Variants in WDTC1 observed in about 807,000 individuals in gnomAD.
WDTC1 encodes the protein WD and tetratricopeptide repeats 1, also known as WD and tetratricopeptide repeats protein 1.
Under a neutral mutation model 76.0 loss-of-function variants are expected in WDTC1, and 12 were observed. That is an observed-to-expected ratio of 0.16 (90% CI 0.10 to 0.26). The LOEUF is 0.26. Among genes scored for constraint, WDTC1 ranks in the 10% least tolerant of loss-of-function variants. WDTC1 has a pLI of 1.00. For missense variants in WDTC1, 511 were observed against 908.8 expected (o/e 0.56, Z 5.63); for synonymous variants, 326 against 350.8 (o/e 0.93, Z 0.79).
intron 8 of WDTC1, 130 bp downstream of exon 8, chr1:27,294,246 A>G: frequency 2.1e-6 from 2 of 972,000 alleles, no homozygotes; most frequent in Non-Finnish European, 3.0e-6. Flanking sequence ...CTGAGTTTTA[A>G]TCCCAACTCT....
intron 3 of WDTC1, among the ~76,000 whole-genome samples, chr1:27,272,110 G>T (rs918441373): frequency 6.6e-6 from 1 of 151,686 alleles, no homozygotes; most frequent in Non-Finnish European, 1.5e-5. Context: ...GCCGTGCGAG[G>T]TGGTGCACGC....
At chr1:27,278,574 C>T (rs1260301958) in intron 3 of WDTC1, among the ~76,000 whole-genome samples, 1 of 152,180 alleles carries the variant, frequency 6.6e-6, no homozygotes, top group Non-Finnish European at 1.5e-5. Context: ...GGCCTCTGCT[C>T]ACCTCCCTGA....
In WDTC1 at chr1:27,295,759, TTTTG is replaced by T. The variant is rs200192553; in HGVS notation, c.874-547_874-544del. ...ATTAACCACTGCACCTGACCTTCTA[TTTTG>T]TTTGTTTGTTTGTTTGTTTTGAGGC... On this transcript the variant is annotated intron_variant, in intron 9 of 15. Coordinates refer to ENST00000319394, the MANE Select transcript of WDTC1 (RefSeq NM_001276252.2). Among the ~76,000 whole-genome samples the T allele has an allele frequency of 6.2e-3, 947 of 151,988 alleles. 10 individuals carry two copies. The highest frequency in any genetic ancestry group is 0.022 in the African/African-American group (898 of 41,454).
chr1:27,240,930 G>C (rs917540488), intron 1 of WDTC1, among the ~76,000 whole-genome samples: 10 of 144,602 alleles, frequency 6.9e-5, no homozygotes, highest in Admixed American at 1.5e-4. Context: ...AGTTGAGATC[G>C]CAACACTGTA....
chr1:27,246,568 C>CTT (rs200841889), intron 1 of WDTC1, among the ~76,000 whole-genome samples: 2 of 144,268 alleles, frequency 1.4e-5, no homozygotes, highest in Non-Finnish European at 1.5e-5. Flanking sequence ...GTTTTCTTTC[C>CTT]TTTTTTTTTT....
rs1212423308 is a variant in WDTC1 at position 27,246,718 on chromosome 1, C to T, written c.-100+11767C>T. ...CTGGGATTACAGGTGCCCGCCACCA[C>T]GCCCGGCTAATTTTTGTATTTTTAG... On this transcript the variant is annotated intron_variant, in intron 1 of 15. Coordinates refer to ENST00000319394, the MANE Select transcript of WDTC1 (RefSeq NM_001276252.2). Among the ~76,000 whole-genome samples, 7 of 151,966 alleles carry T rather than the reference C, an allele frequency of 4.6e-5. No homozygotes were observed. The South Asian group carries it at 1.0e-3, about 23-fold the overall frequency.
At chr1:27,248,941 G>C (rs1178771676) in intron 1 of WDTC1, among the ~76,000 whole-genome samples, 1 of 152,124 alleles carries the variant, frequency 6.6e-6, no homozygotes, top group Admixed American at 6.6e-5. Flanking sequence ...ATAGACGTGA[G>C]CCACTGCACC....
chr1:27,292,161 C>T (rs1355609666), intron 6 of WDTC1, 54 bp from the exon 7 acceptor site: 1 of 1,424,858 alleles, frequency 7.0e-7, no homozygotes. Flanking sequence ...TTTTCCCCTG[C>T]CTTCCTCTCA....
intron 7 of WDTC1, 29 bp downstream of exon 7, chr1:27,292,426 G>A: frequency 6.7e-7 from 1 of 1,503,612 alleles, no homozygotes. Context: ...CCTGTCTCCT[G>A]TGAGTAAGTC....
chr1:27,256,902 C>T (rs2012299910), intron 1 of WDTC1, among the ~76,000 whole-genome samples: 1 of 152,148 alleles, frequency 6.6e-6, no homozygotes, highest in Non-Finnish European at 1.5e-5. Flanking sequence ...CACTCTGTTG[C>T]CCAGGCTGGA....
intron 3 of WDTC1, among the ~76,000 whole-genome samples, chr1:27,264,092 C>T (rs550397407): frequency 2.6e-5 from 4 of 151,832 alleles, no homozygotes; most frequent in South Asian, 4.2e-4. Flanking sequence ...AGTTTGAGAC[C>T]AGCCTGGCCA....
intron 5 of WDTC1, among the ~76,000 whole-genome samples, chr1:27,285,070 A>C (rs1037063460): frequency 7.7e-6 from 1 of 130,162 alleles, no homozygotes; most frequent in Non-Finnish European, 1.6e-5. Flanking sequence ...TCTTACTCTG[A>C]ATGTCGCCCA....
chr1:27,278,572 C>T (rs2013097533), intron 3 of WDTC1, among the ~76,000 whole-genome samples: 1 of 152,216 alleles, frequency 6.6e-6, no homozygotes, highest in Non-Finnish European at 1.5e-5. Flanking sequence ...CTGGCCTCTG[C>T]TCACCTCCCT....
chr1:27,265,896 A>C (rs983202608), intron 3 of WDTC1, among the ~76,000 whole-genome samples: 1 of 152,102 alleles, frequency 6.6e-6, no homozygotes, highest in African/African-American at 2.4e-5. Context: ...GCAGTGAGCC[A>C]AGATCTCGCC....
At chr1:27,263,290 C>A in intron 3 of WDTC1, 55 bp downstream of exon 3, 1 of 1,558,458 alleles carries the variant, frequency 6.4e-7, no homozygotes, top group Non-Finnish European at 8.8e-7. Context: ...CATTCTCTGC[C>A]TGCAGAAATC....
chr1:27,260,739 G>C (rs552806628), intron 1 of WDTC1, among the ~76,000 whole-genome samples: 1 of 152,104 alleles, frequency 6.6e-6, no homozygotes, highest in Non-Finnish European at 1.5e-5. Flanking sequence ...TATTTCTTCC[G>C]TGTTTGTTCC....
intron 3 of WDTC1, among the ~76,000 whole-genome samples, chr1:27,278,295 GACCTACA>G (rs1392043189): frequency 4.4e-4 from 67 of 152,252 alleles, no homozygotes; most frequent in African/African-American, 1.3e-3. Flanking sequence ...TGGCCTGCAA[GACCTACA>G]ATATTTACTA....
chr1:27,235,507 C>T lies in WDTC1; in HGVS notation c.-100+556C>T, dbSNP rs577154063. ...CTGCCAAGGTGTTTCCACCAGGCGACTGTAGCACCCCGTATACAAAGGGCC... is the reference window on the plus strand; with the variant it reads ...CTGCCAAGGTGTTTCCACCAGGCGATTGTAGCACCCCGTATACAAAGGGCC... On this transcript the variant is annotated intron_variant, in intron 1 of 15. Transcript: ENST00000319394. Among the ~76,000 whole-genome samples, 6 of 151,456 alleles carry T rather than the reference C, an allele frequency of 4.0e-5. No individual in the cohort carries two copies. The South Asian group carries it at 1.3e-3, about 32-fold the overall frequency.
chr1:27,250,863 G>GTT (rs397970562), intron 1 of WDTC1, among the ~76,000 whole-genome samples: 40 of 135,998 alleles, frequency 2.9e-4, no homozygotes, highest in African/African-American at 1.0e-3. Flanking sequence ...TAATTGACTT[G>GTT]TTTTTTTTTT....
Sources: gnomAD v4.1 joint callset for allele counts (sites outside exome capture counted in the v4.1 genomes callset) on GRCh38, gnomAD v4.1.1 for gene constraint, MANE v1.5 for transcripts, NCBI Gene and HGNC (gene_info 2026-07-23, HGNC 2026-07-21) for gene names.